Variants in CACNA2D1 observed in about 807,000 individuals in gnomAD.
CACNA2D1 encodes the protein calcium voltage-gated channel auxiliary subunit alpha2delta 1.
In CACNA2D1, 53 loss-of-function variants were observed where a neutral mutation model predicts 171.5. That is an observed-to-expected ratio of 0.31 (90% CI 0.25 to 0.39). The LOEUF is 0.39. Among genes scored for constraint, CACNA2D1 ranks in the 10% least tolerant of loss-of-function variants. The pLI is 1.00. For missense variants in CACNA2D1, 903 were observed against 1,299.8 expected, an observed-to-expected ratio of 0.69 and a Z score of 4.69; for synonymous variants, 442 against 443.1, an observed-to-expected ratio of 1.00 and a Z score of 0.03.
At chr7:82,060,026 T>C (rs1484714407) in intron 10 of CACNA2D1, among the ~76,000 whole-genome samples, 1 of 99,260 alleles carries the variant, frequency 1.0e-5, no homozygotes, top group Non-Finnish European at 2.0e-5. Context: ...GGGATAGCAT[T>C]AGGAGATATA....
chr7:82,207,780 C>T (rs950498684), intron 3 of CACNA2D1, among the ~76,000 whole-genome samples: 1 of 152,140 alleles, frequency 6.6e-6, no homozygotes, highest in African/African-American at 2.4e-5. Context: ...GAAGCAACAA[C>T]AATATGCCCA....
At chr7:82,428,685 G>A (rs1829414588) in intron 1 of CACNA2D1, among the ~76,000 whole-genome samples, 1 of 152,136 alleles carries the variant, frequency 6.6e-6, no homozygotes, top group African/African-American at 2.4e-5. Flanking sequence ...AGTACTTGAT[G>A]GCCTCTCATT....
At chr7:82,401,060 G>A (rs1041943306) in intron 1 of CACNA2D1, among the ~76,000 whole-genome samples, 17 of 152,086 alleles carry the variant, frequency 1.1e-4, no homozygotes, top group African/African-American at 3.9e-4. Context: ...GAAACAACAG[G>A]TGCTGGAGAG....
intron 1 of CACNA2D1, among the ~76,000 whole-genome samples, chr7:82,366,681 T>C (rs1485344962): frequency 6.6e-6 from 1 of 152,164 alleles, no homozygotes; most frequent in Non-Finnish European, 1.5e-5. Context: ...GCAATGAACA[T>C]ACGAGTGTAT....
chr7:82,266,039 T>C (rs963126254), intron 3 of CACNA2D1, among the ~76,000 whole-genome samples: 5 of 152,206 alleles, frequency 3.3e-5, no homozygotes, highest in Non-Finnish European at 5.9e-5. Flanking sequence ...AATTTATTTG[T>C]GTATATGCAT....
At chr7:82,226,904 G>A (rs1802422938) in intron 3 of CACNA2D1, among the ~76,000 whole-genome samples, 1 of 152,060 alleles carries the variant, frequency 6.6e-6, no homozygotes, top group Non-Finnish European at 1.5e-5. Flanking sequence ...TATAAAAGCT[G>A]GGGTAGAAGG....
chr7:82,192,685 C>G (rs1217477305), intron 3 of CACNA2D1, among the ~76,000 whole-genome samples: 1 of 151,068 alleles, frequency 6.6e-6, no homozygotes, highest in Non-Finnish European at 1.5e-5. Context: ...CCTATGTCTT[C>G]TATGCAATAC....
chr7:81,965,276 T>G (rs1484129546), intron 32 of CACNA2D1, among the ~76,000 whole-genome samples: 1 of 151,936 alleles, frequency 6.6e-6, no homozygotes, highest in Non-Finnish European at 1.5e-5. Flanking sequence ...AGCTATATAT[T>G]AAATTAGATA....
chr7:81,986,812 TCA>T (rs1194636177), intron 21 of CACNA2D1, among the ~76,000 whole-genome samples: 1 of 152,160 alleles, frequency 6.6e-6, no homozygotes, highest in Non-Finnish European at 1.5e-5. Flanking sequence ...AGCAGTGCAA[TCA>T]CTCTGACAGC....
chr7:82,196,874 G>A (rs1178030162), intron 3 of CACNA2D1, among the ~76,000 whole-genome samples: 1 of 151,580 alleles, frequency 6.6e-6, no homozygotes, highest in Non-Finnish European at 1.5e-5. Context: ...AAGAGGATAT[G>A]GTAGAGTGGG....
intron 4 of CACNA2D1, among the ~76,000 whole-genome samples, chr7:82,138,275 G>T (rs2129081874): frequency 6.6e-6 from 1 of 152,124 alleles, no homozygotes; most frequent in Admixed American, 6.6e-5. Context: ...CACAGCATAT[G>T]AATCATAATA....
intron 10 of CACNA2D1, among the ~76,000 whole-genome samples, chr7:82,055,948 A>ATATATATAT (rs1554377773): frequency 2.3e-5 from 3 of 131,074 alleles, no homozygotes; most frequent in African/African-American, 5.5e-5. Context: ...ATATATATAT[A>ATATATATAT]ATTTTTTAAA....
At chr7:82,113,082 T>G in intron 6 of CACNA2D1, among the ~76,000 whole-genome samples, 1 of 152,124 alleles carries the variant, frequency 6.6e-6, no homozygotes, top group East Asian at 1.9e-4. Flanking sequence ...AATAATTGCC[T>G]TACTTAAATT....
At chr7:82,375,154 C>G (rs562365535) in intron 1 of CACNA2D1, among the ~76,000 whole-genome samples, 1 of 152,202 alleles carries the variant, frequency 6.6e-6, no homozygotes, top group Non-Finnish European at 1.5e-5. Flanking sequence ...TACAGAAACA[C>G]AACTTTCAAA....
chr7:82,114,533 A>G (rs1788807133), intron 6 of CACNA2D1, among the ~76,000 whole-genome samples: 1 of 152,198 alleles, frequency 6.6e-6, no homozygotes, highest in African/African-American at 2.4e-5. Flanking sequence ...TCACGAGGTC[A>G]GGAGTTTGAG....
Position 82,159,601 on chromosome 7 carries a change from ATGG to A in CACNA2D1, c.354+10946_354+10948del, listed in dbSNP as rs551625049. On this transcript the variant is annotated intron_variant, in intron 4 of 38. Coordinates refer to ENST00000356860, the MANE Select transcript of CACNA2D1 (RefSeq NM_000722.4). ...ATAAATTACAGATCTGTTCTTCAAA[ATGG>A]TGATGAGAGATCTCCCCAAAAAGTG... is the stretch of plus-strand genomic sequence containing the variant. Among the ~76,000 whole-genome samples, 967 of 151,830 alleles carry A rather than the reference ATGG, an allele frequency of 6.4e-3. 5 individuals carry two copies. The highest frequency in any genetic ancestry group is 9.7e-3 in the Non-Finnish European group (659 of 67,844).
At chr7:82,189,347 G>C (rs1798073437) in intron 3 of CACNA2D1, among the ~76,000 whole-genome samples, 1 of 151,836 alleles carries the variant, frequency 6.6e-6, no homozygotes, top group South Asian at 2.1e-4. Context: ...AGACTCAGCA[G>C]GCTGCAGTTG....
intron 1 of CACNA2D1, among the ~76,000 whole-genome samples, chr7:82,374,921 A>C (rs533613131): frequency 6.6e-5 from 10 of 151,356 alleles, no homozygotes; most frequent in African/African-American, 2.5e-4. Flanking sequence ...ATCATTTTGA[A>C]AGTAGAAAAT....
chr7:82,434,692 C>G (rs1829972374), intron 1 of CACNA2D1, among the ~76,000 whole-genome samples: 1 of 152,146 alleles, frequency 6.6e-6, no homozygotes, highest in Non-Finnish European at 1.5e-5. Flanking sequence ...TCTATTATCT[C>G]TCACTTTCCT....
Sources: allele counts gnomAD v4.1 joint callset (sites outside exome capture counted in the v4.1 genomes callset), GRCh38; gene constraint gnomAD v4.1.1; transcripts MANE v1.5; gene names NCBI Gene and HGNC (gene_info 2026-07-23, HGNC 2026-07-21).